Variants in AR observed in about 807,000 individuals in gnomAD.
The protein encoded by AR is dihydrotestosterone receptor.
In AR, 8 loss-of-function variants were observed where a neutral mutation model predicts 53.9. The ratio of observed to expected loss-of-function variants is 0.15; its 90% CI spans 0.09 to 0.27. The LOEUF (loss-of-function observed/expected upper bound fraction) is 0.27. Ranked by LOEUF, AR falls within the 10% of genes least tolerant of loss-of-function variation. The pLI, the probability that AR is intolerant of heterozygous loss-of-function variation, is 1.00. For missense variants in AR, 639 were observed against 742.5 expected (o/e 0.86, Z 1.62); for synonymous variants, 359 against 316.4 (o/e 1.13, Z -1.43).
At chrX:67,716,277 A>G (rs756697434) in intron 4 of AR, among the ~76,000 whole-genome samples, 1 of 112,053 alleles carries the variant, frequency 8.9e-6, no homozygotes, top group Admixed American at 9.5e-5. Context: ...AATGACTGCT[A>G]TAATTGGGTG....
At chrX:67,668,779 A>G (rs1927389945) in intron 2 of AR, among the ~76,000 whole-genome samples, 1 of 111,183 alleles carries the variant, frequency 9.0e-6, no homozygotes, top group Non-Finnish European at 1.9e-5. Flanking sequence ...TCATGAATCA[A>G]TCTTCACAAG....
chrX:67,726,956 C>T lies in AR; in HGVS notation c.*3115C>T, dbSNP rs1326522791. 1 of 173,009 alleles carries T rather than the reference C, an allele frequency of 5.8e-6. No individual in the cohort carries two copies. Among genetic ancestry groups the T allele is most frequent in the Non-Finnish European group, 1.1e-5 (1 of 90,196 alleles). The allele number at this position is 173,009 out of a possible 1,213,427, so 14.3% of individuals were successfully genotyped here. A position where few individuals can be genotyped will look rare whatever the true frequency, so the allele number is the denominator to read the frequency against. On this transcript the variant is annotated 3_prime_UTR_variant, in exon 8 of 8. Coordinates refer to ENST00000374690, the MANE Select transcript of AR (RefSeq NM_000044.6). ...CATCTCCAAACAAGTTGGCAGTGCT[C>T]GATGTGGACGAAGAGTGAGGAAGAG...
chrX:67,663,128 A>C (rs1394096551), intron 2 of AR, among the ~76,000 whole-genome samples: 1 of 111,505 alleles, frequency 9.0e-6, no homozygotes, highest in African/African-American at 3.3e-5. Flanking sequence ...ATTTACATTT[A>C]AGGTTAATAT....
At chrX:67,555,805 C>T (rs770236516) in intron 1 of AR, among the ~76,000 whole-genome samples, 3 of 112,252 alleles carry the variant, frequency 2.7e-5, no homozygotes, top group South Asian at 3.7e-4. Flanking sequence ...GCAAGTGCCC[C>T]GTGGCAGGAT....
intron 1 of AR, among the ~76,000 whole-genome samples, chrX:67,619,435 C>T (rs1438962159): frequency 9.1e-6 from 1 of 110,001 alleles, no homozygotes; most frequent in African/African-American, 3.3e-5. Flanking sequence ...AGGTGGGGTG[C>T]GTTGAGGGAA....
intron 1 of AR, among the ~76,000 whole-genome samples, chrX:67,620,641 A>C (rs1924328550): frequency 1.8e-5 from 2 of 111,420 alleles, no homozygotes; most frequent in Admixed American, 9.6e-5. Context: ...AATAATAGTG[A>C]GATTCAAACT....
chrX:67,699,154 A>G (rs149875512), intron 3 of AR, among the ~76,000 whole-genome samples: 2,344 of 112,362 alleles, frequency 0.021, 51 homozygotes, highest in African/African-American at 0.072. Flanking sequence ...CCACAAATTT[A>G]GCAGCTTCAA....
At chrX:67,607,190 C>T (rs946423401) in intron 1 of AR, among the ~76,000 whole-genome samples, 36 of 111,081 alleles carry the variant, frequency 3.2e-4, no homozygotes, top group Admixed American at 3.2e-3. Flanking sequence ...CCACCACACC[C>T]GGCTAATTTT....
At chrX:67,640,397 C>T (rs1925684466) in intron 1 of AR, among the ~76,000 whole-genome samples, 1 of 111,178 alleles carries the variant, frequency 9.0e-6, no homozygotes, top group African/African-American at 3.3e-5. Flanking sequence ...AGGAATGGTA[C>T]CAGCTCCTCT....
At chrX:67,639,669 G>A (rs1925642463) in intron 1 of AR, among the ~76,000 whole-genome samples, 1 of 111,954 alleles carries the variant, frequency 8.9e-6, no homozygotes, top group Admixed American at 9.5e-5. Flanking sequence ...CACTGATTTT[G>A]TATCCTGAGA....
chrX:67,622,793 A>G (rs1303301533), intron 1 of AR, among the ~76,000 whole-genome samples: 1 of 111,899 alleles, frequency 8.9e-6, no homozygotes, highest in Non-Finnish European at 1.9e-5. Context: ...CTGCAAGCAA[A>G]AAAAGTTTTT....
At chrX:67,682,310 G>A (rs763946462) in intron 2 of AR, among the ~76,000 whole-genome samples, 62 of 110,556 alleles carry the variant, frequency 5.6e-4, no homozygotes, top group African/African-American at 2.0e-3. Context: ...TTTGAGACAG[G>A]GTCTCACTCT....
intron 1 of AR, among the ~76,000 whole-genome samples, chrX:67,595,485 A>C (rs1480998116): frequency 9.0e-6 from 1 of 110,768 alleles, no homozygotes; most frequent in Non-Finnish European, 1.9e-5. Flanking sequence ...ACTTAGATTA[A>C]ATTTATTTTA....
At chrX:67,719,892 T>A (rs1408726954) in intron 5 of AR, among the ~76,000 whole-genome samples, 2 of 111,736 alleles carry the variant, frequency 1.8e-5, no homozygotes, top group East Asian at 5.7e-4. Flanking sequence ...CCAATGTAGG[T>A]CAACCCATTT....
At chrX:67,693,246 T>C (rs1478887386) in intron 3 of AR, among the ~76,000 whole-genome samples, 2 of 112,410 alleles carry the variant, frequency 1.8e-5, no homozygotes, top group Non-Finnish European at 3.8e-5. Flanking sequence ...AAGATTTTAT[T>C]GTTGTTTACT....
At chrX:67,628,652 G>T (rs1048500766) in intron 1 of AR, among the ~76,000 whole-genome samples, 5 of 109,986 alleles carry the variant, frequency 4.5e-5, no homozygotes, top group Admixed American at 9.8e-5. Context: ...TAATTGCCCT[G>T]GCCAGAACTT....
At chrX:67,619,208 T>C (rs1924254896) in intron 1 of AR, among the ~76,000 whole-genome samples, 1 of 111,261 alleles carries the variant, frequency 9.0e-6, no homozygotes, top group African/African-American at 3.3e-5. Context: ...AGCAGATGTT[T>C]TAGATAGGAT....
At position 67,722,912 on chromosome X, in the gene AR, C is replaced by A; in HGVS notation, c.2535C>A (p.Cys845Ter). ...AGGAACTCGATCGTATCATTGCATG[C>A]AAAAGAAAAAATCCCACATCCTGCT... ...YIKELDRIIA[C>*]KRKNPTSCSR... is the part of the protein sequence containing the mutation. The change falls in exon 7 of 8, where the codon TGC (cysteine) becomes TGA (stop). Residue 845 changes from cysteine to a stop codon, truncating the protein, a stop_gained. Transcript: ENST00000374690. LOFTEE classifies it high-confidence loss of function. 1 of 1,211,032 alleles carries A rather than the reference C, an allele frequency of 8.3e-7. No homozygotes were observed. The highest frequency in any genetic ancestry group is 1.1e-6 in the Non-Finnish European group (1 of 895,056).
chrX:67,647,411 A>G (rs993791669), intron 2 of AR, among the ~76,000 whole-genome samples: 1 of 111,966 alleles, frequency 8.9e-6, no homozygotes, highest in Admixed American at 9.5e-5. Flanking sequence ...CTTTAAATCC[A>G]TTCTTTCCCA....
Sources: allele counts gnomAD v4.1 joint callset (sites outside exome capture counted in the v4.1 genomes callset), GRCh38; gene constraint gnomAD v4.1.1; transcripts MANE v1.5; gene names NCBI Gene and HGNC (gene_info 2026-07-23, HGNC 2026-07-21).